LY6G6F: variants seen among roughly 807,000 people sequenced by gnomAD.
LY6G6F encodes the protein lymphocyte antigen 6 family member G6F.
In LY6G6F, 26 loss-of-function variants were observed where a neutral mutation model predicts 33.0. The ratio of observed to expected loss-of-function variants is 0.79; its 90% CI spans 0.58 to 1.09. LY6G6F has a LOEUF of 1.09. Among genes scored for constraint, LY6G6F ranks in the 50% least tolerant of loss-of-function variants. The probability of loss-of-function intolerance (pLI) is 0.00; values close to 1 mark genes in which losing one functional copy is unlikely to be tolerated. For synonymous variants in LY6G6F, 132 were observed against 148.1 expected (o/e 0.89, Z 0.79); for missense variants, 317 against 372.0 (o/e 0.85, Z 1.22).
At chr6:31,708,566 A>G (rs897174049) in intron 3 of LY6G6F, among the ~76,000 whole-genome samples, 16 of 152,196 alleles carry the variant, frequency 1.1e-4, no homozygotes, top group Non-Finnish European at 1.9e-4. Flanking sequence ...TCTGCTCTGT[A>G]GTTGGTTGCC....
chr6:31,706,946 C>A lies in LY6G6F; in HGVS notation c.40C>A (p.Pro14Thr). 2 of 1,614,030 alleles carry A rather than the reference C, an allele frequency of 1.2e-6. No homozygotes were observed. The highest frequency in any genetic ancestry group is 1.7e-6 in the Non-Finnish European group (2 of 1,179,970). The change falls in exon 1 of 6, where the codon CCC becomes ACC. Residue 14 changes from proline to threonine, a missense_variant. Transcript: ENST00000375832. ...LFLLLFLCGT[P>T]QAADNMQAIY... ...CCTCCTCCTGTTCCTATGTGGAACT[C>A]CCCAGGCTGCAGGTAAGGGGCAAGA...
At position 31,707,957 on chromosome 6, in the gene LY6G6F, G is replaced by A. The variant is rs139303776; in HGVS notation, c.469G>A (p.Val157Met). 6.2e-7 allele frequency: 1 copy of A among 1,613,188 alleles called. No individual in the cohort carries two copies. The highest frequency in any genetic ancestry group is 1.1e-5 in the South Asian group (1 of 91,088). The change falls in exon 3 of 6, where the codon GTG (valine) becomes ATG (methionine). Residue 157 changes from valine to methionine, a missense_variant. Val to Met is a conservative substitution (Grantham distance 21, BLOSUM62 1). Coordinates refer to ENST00000375832, the MANE Select transcript of LY6G6F (RefSeq NM_001003693.3). This position sits in a 1 kb window ranked among gnomAD's most constrained non-coding sequence, Gnocchi z 4.1. The part of the protein sequence containing the change: ...SVVPSRRMDS[V>M]TWQEGKGPVR... ...GGTCCCCAGCAGACGCATGGACTCT[G>A]TGACCTGGCAGGAAGGGAAGGGTCC...
Position 31,707,321 on chromosome 6 carries a change from T to C in LY6G6F, c.53-137T>C. The C allele has an allele frequency of 1.4e-6, 1 of 726,550 alleles. No individual in the cohort carries two copies. Among genetic ancestry groups the C allele is most frequent in the South Asian group, 1.9e-5 (1 of 53,946 alleles). The allele number at this position is 726,550 out of a possible 1,614,324, so 45.0% of individuals were successfully genotyped here. A position where few individuals can be genotyped will look rare whatever the true frequency, so the allele number is the denominator to read the frequency against. On this transcript the variant is annotated intron_variant, in intron 1 of 5. Coordinates refer to ENST00000375832, the MANE Select transcript of LY6G6F (RefSeq NM_001003693.3). The surrounding 1 kb of genome is among the most constrained non-coding windows in gnomAD (Gnocchi z 4.1). Reference sequence around the variant, plus strand: ...TCTCCACCTGTCTTATTTTTGTAGCTGTCACTTGAGAAATGTGGTCACCAG... The same window carrying C: ...TCTCCACCTGTCTTATTTTTGTAGCCGTCACTTGAGAAATGTGGTCACCAG...
rs766665923 is a variant in LY6G6F at position 31,710,088 on chromosome 6, C to G, written c.709C>G (p.Leu237Val). Residue 237 changes from leucine (L) to valine (V), a missense_variant, in exon 4 of 6, where the codon CTG becomes GTG. Coordinates refer to ENST00000375832, the MANE Select transcript of LY6G6F (RefSeq NM_001003693.3). This position sits in a 1 kb window ranked among gnomAD's most constrained non-coding sequence, Gnocchi z 4.7. ...PSTGWDMPWILMLLLTMGQGV... is the reference protein window; with the variant it reads ...PSTGWDMPWIVMLLLTMGQGV... ...CACGGGCTGGGACATGCCTTGGATT[C>G]TGATGCTGCTGCTCACAATGGGCCA... 4.6e-5 allele frequency: 75 copies of G among 1,612,916 alleles called. No individual in the cohort carries two copies. The highest frequency in any genetic ancestry group is 5.9e-5 in the Non-Finnish European group (70 of 1,180,024).
chr6:31,707,368 C>G lies in LY6G6F; in HGVS notation c.53-90C>G, dbSNP rs1359343054. On this transcript the variant is annotated intron_variant, in intron 1 of 5. Transcript: ENST00000375832. This position sits in a 1 kb window ranked among gnomAD's most constrained non-coding sequence, Gnocchi z 4.1. ...CCAGCCAGGCCTGTGCTGGGGGACC[C>G]CAGAAGGGAAGGAAGCCAGGGTTGA... The G allele has an allele frequency of 8.1e-7, 1 of 1,240,786 alleles. No homozygotes were observed. The highest frequency in any genetic ancestry group is 1.4e-5 in the South Asian group (1 of 72,196). The allele number at this position is 1,240,786 out of a possible 1,614,324, so 76.9% of individuals were successfully genotyped here.
In LY6G6F at chr6:31,707,884, T is replaced by C; in HGVS notation, c.396T>C (p.Ser132=). The change falls in exon 3 of 6, where the codon TCT becomes TCC. Residue 132 remains serine, a synonymous_variant. Transcript: ENST00000375832. The surrounding 1 kb of genome is among the most constrained non-coding windows in gnomAD (Gnocchi z 4.1). ...DVLVLKGSQL[S]ARAADGSPCN... ...TCTCCCCTACAGGATCCCAGTTATC[T>C]GCAAGGGCTGCAGATGGATCCCCCT... The C allele has an allele frequency of 6.2e-7, 1 of 1,613,332 alleles. No individual in the cohort carries two copies. The highest frequency in any genetic ancestry group is 8.5e-7 in the Non-Finnish European group (1 of 1,179,558).
rs759150691 is a variant in LY6G6F, at chr6:31,710,566, G to A, written c.870-1G>A. ...ATCTGTCTCTCTGGAAAACCCCACA[G>A]CCCACCTGCCCACAAGCCCAGGTGA... On this transcript the variant is annotated splice_acceptor_variant, in intron 5 of 5. Transcript: ENST00000375832. LOFTEE classifies it high-confidence loss of function. The surrounding 1 kb of genome is among the most constrained non-coding windows in gnomAD (Gnocchi z 4.7). 1 of 1,614,114 alleles carries A rather than the reference G, an allele frequency of 6.2e-7. No homozygotes were observed. Among genetic ancestry groups the A allele is most frequent in the South Asian group, 1.1e-5 (1 of 91,078 alleles).
At chr6:31,708,223 A>G in intron 3 of LY6G6F, 89 bp downstream of exon 3, 1 of 1,470,598 alleles carries the variant, frequency 6.8e-7, no homozygotes. Context: ...CCATGCCTGG[A>G]TAATTTTTTG....
Position 31,710,150 on chromosome 6 carries a change from G to A in LY6G6F, c.771G>A (p.Trp257Ter). The A allele has an allele frequency of 6.2e-7, 1 of 1,612,918 alleles. No homozygotes were observed. The highest frequency in any genetic ancestry group is 8.5e-7 in the Non-Finnish European group (1 of 1,179,938). The change falls in exon 4 of 6, where the codon TGG (tryptophan) becomes TGA (stop). Residue 257 changes from tryptophan (W) to a stop codon, truncating the protein, a stop_gained. Coordinates refer to ENST00000375832, the MANE Select transcript of LY6G6F (RefSeq NM_001003693.3). LOFTEE classifies it high-confidence loss of function. The surrounding 1 kb of genome is among the most constrained non-coding windows in gnomAD (Gnocchi z 4.7). ...VVILALSIVL[W>*]RQRVRGAPGR... is the part of the protein sequence containing the mutation. ...TCCTGGCCCTCAGCATCGTGCTCTG[G>A]AGGCAGAGGGTCCGTGGGGCTCCAG...
intron 3 of LY6G6F, among the ~76,000 whole-genome samples, chr6:31,709,090 T>G (rs1290501299): frequency 1.5e-4 from 22 of 142,044 alleles, no homozygotes; most frequent in African/African-American, 4.5e-4. Context: ...TTTTTTTTTT[T>G]GGGATGGAGA....
Position 31,710,533 on chromosome 6 carries a change from T to A in LY6G6F, c.870-34T>A. On this transcript the variant is annotated intron_variant, in intron 5 of 5. Transcript: ENST00000375832. This position sits in a 1 kb window ranked among gnomAD's most constrained non-coding sequence, Gnocchi z 4.7. Reference sequence around the variant, plus strand: ...TTCCTGAGGATGTGAAAAGTAGAGGTATCCTTAATCTGTCTCTCTGGAAAA... The same window carrying A: ...TTCCTGAGGATGTGAAAAGTAGAGGAATCCTTAATCTGTCTCTCTGGAAAA... The A allele has an allele frequency of 1.2e-6, 2 of 1,613,860 alleles. No individual in the cohort carries two copies. The highest frequency in any genetic ancestry group is 1.7e-6 in the Non-Finnish European group (2 of 1,179,944).
chr6:31,707,524 C>T lies in LY6G6F; in HGVS notation c.119C>T (p.Thr40Ile), dbSNP rs1420670003. The change falls in exon 2 of 6, where the codon ACT (threonine) becomes ATT (isoleucine). Residue 40 changes from threonine to isoleucine, a missense_variant. Thr to Ile is a moderately conservative substitution (Grantham distance 89, BLOSUM62 -1). Transcript: ENST00000375832. The surrounding 1 kb of genome is among the most constrained non-coding windows in gnomAD (Gnocchi z 4.1). The part of the protein sequence containing the change: ...AVELPCPSPP[T>I]LHGDEHLSWF... ...GAGCTGCCATGTCCCTCACCACCTA[C>T]TCTACATGGGGACGAACACCTGTCA... is the stretch of plus-strand genomic sequence containing the variant. 6.2e-7 allele frequency: 1 copy of T among 1,614,150 alleles called. No homozygotes were observed. The highest frequency in any genetic ancestry group is 1.7e-5 in the Admixed American group (1 of 60,014).
Position 31,710,522 on chromosome 6 carries a change from A to G in LY6G6F, c.870-45A>G, listed in dbSNP as rs747955485. Reference sequence around the variant, plus strand: ...ATGGGCCCTCGTTCCTGAGGATGTGAAAAGTAGAGGTATCCTTAATCTGTC... The same window carrying G: ...ATGGGCCCTCGTTCCTGAGGATGTGGAAAGTAGAGGTATCCTTAATCTGTC... On this transcript the variant is annotated intron_variant, in intron 5 of 5. Transcript: ENST00000375832. The surrounding 1 kb of genome is among the most constrained non-coding windows in gnomAD (Gnocchi z 4.7). 6.8e-6 allele frequency: 11 copies of G among 1,614,050 alleles called. No individual in the cohort carries two copies. The South Asian group carries it at 1.2e-4, about 18-fold the overall frequency.
In LY6G6F at chr6:31,710,294, C is replaced by CCTCCTCTAGGGGAGGG. The variant is rs1171506411; in HGVS notation, c.803-58_803-57insCTCCTCTAGGGGAGGG. On this transcript the variant is annotated intron_variant, in intron 4 of 5. Coordinates refer to ENST00000375832, the MANE Select transcript of LY6G6F (RefSeq NM_001003693.3). The surrounding 1 kb of genome is among the most constrained non-coding windows in gnomAD (Gnocchi z 4.7). The stretch of plus-strand genomic sequence containing the variant: ...CCTCTAGGGGAGGGGGCGAGGAACA[C>CCTCCTCTAGGGGAGGG]GGCTCTAAGTTGTCTGCTGACTTCT... 10 of 1,612,960 alleles carry CCTCCTCTAGGGGAGGG rather than the reference C, an allele frequency of 6.2e-6. No individual in the cohort carries two copies. Among genetic ancestry groups the CCTCCTCTAGGGGAGGG allele is most frequent in the South Asian group, 1.1e-5 (1 of 91,086 alleles).
Position 31,707,732 on chromosome 6 carries a change from A to G in LY6G6F, c.327A>G (p.Leu109=). The change falls in exon 2 of 6, where the codon CTA becomes CTG. Residue 109 remains leucine (L), a synonymous_variant. Coordinates refer to ENST00000375832, the MANE Select transcript of LY6G6F (RefSeq NM_001003693.3). The surrounding 1 kb of genome is among the most constrained non-coding windows in gnomAD (Gnocchi z 4.1). ...EDAGRYWCAV[L]GQHHNYQNWR... is the part of the protein sequence containing the mutation. ...CCGGGCGGTACTGGTGCGCTGTGCT[A>G]GGTCAGCACCACAACTACCAGAACT... The G allele has an allele frequency of 1.2e-6, 2 of 1,614,210 alleles. No individual in the cohort carries two copies.
chr6:31,709,008 G>T (rs1805820840), intron 3 of LY6G6F, among the ~76,000 whole-genome samples: 1 of 148,890 alleles, frequency 6.7e-6, no homozygotes, highest in Non-Finnish European at 1.5e-5. Flanking sequence ...CTCATGATCT[G>T]CCTGCCTCAG....
In LY6G6F at chr6:31,708,045, G is replaced by A; in HGVS notation, c.557G>A (p.Gly186Glu). The change falls in exon 3 of 6, where the codon GGG (glycine) becomes GAG (glutamate). Residue 186 changes from glycine (G) to glutamate (E), a missense_variant. Transcript: ENST00000375832. Reference sequence around the variant, plus strand: ...GCTGCCCTGCTCTTGGTGTGTCCTGGGGAGGGGCTTTCTGAGCCCAGGAGC... The same window carrying A: ...GCTGCCCTGCTCTTGGTGTGTCCTGAGGAGGGGCTTTCTGAGCCCAGGAGC... ...SEAALLLVCPGEGLSEPRSRR... is the reference protein window; with the variant it reads ...SEAALLLVCPEEGLSEPRSRR... 6.2e-7 allele frequency: 1 copy of A among 1,611,784 alleles called. No individual in the cohort carries two copies. The highest frequency in any genetic ancestry group is 8.5e-7 in the Non-Finnish European group (1 of 1,179,458).
At position 31,710,442 on chromosome 6, in the gene LY6G6F, G is replaced by A; in HGVS notation, c.869+24G>A. 1.2e-6 allele frequency: 2 copies of A among 1,614,192 alleles called. No individual in the cohort carries two copies. Among genetic ancestry groups the A allele is most frequent in the South Asian group, 1.1e-5 (1 of 91,082 alleles). The stretch of plus-strand genomic sequence containing the variant: ...GGGTGAGGAACAGCTAGGGAACAGA[G>A]GCTTAAATCCTGGAGGGGACTGGGG... On this transcript the variant is annotated intron_variant, in intron 5 of 5. Transcript: ENST00000375832. The surrounding 1 kb of genome is among the most constrained non-coding windows in gnomAD (Gnocchi z 4.7).
In LY6G6F at chr6:31,710,337, G is replaced by C; in HGVS notation, c.803-15G>C. The C allele has an allele frequency of 6.2e-7, 1 of 1,613,810 alleles. No individual in the cohort carries two copies. Among genetic ancestry groups the C allele is most frequent in the Non-Finnish European group, 8.5e-7 (1 of 1,180,028 alleles). The stretch of plus-strand genomic sequence containing the variant: ...TGACTTCTCTTCTGTATCCCTGATG[G>C]CTCCTTCTCCCCAGATGCCTCGATT... On this transcript the variant is annotated splice_polypyrimidine_tract_variant and intron_variant, in intron 4 of 5. Coordinates refer to ENST00000375832, the MANE Select transcript of LY6G6F (RefSeq NM_001003693.3). The surrounding 1 kb of genome is among the most constrained non-coding windows in gnomAD (Gnocchi z 4.7).
Sources: gnomAD v4.1 joint callset for allele counts (sites outside exome capture counted in the v4.1 genomes callset) on GRCh38, gnomAD v4.1.1 for gene constraint, Gnocchi (gnomAD v3.1) non-coding constraint, MANE v1.5 for transcripts, NCBI Gene and HGNC (gene_info 2026-07-23, HGNC 2026-07-21) for gene names.